OPCML: variants seen among roughly 807,000 people sequenced by gnomAD.
OPCML encodes opioid binding protein/cell adhesion molecule like, also known as opioid-binding protein/cell adhesion molecule.
In OPCML, 13 loss-of-function variants were observed where a neutral mutation model predicts 37.8. That is an observed-to-expected ratio of 0.34 (90% CI 0.22 to 0.55). The LOEUF (loss-of-function observed/expected upper bound fraction) is 0.55. Ranked by LOEUF, OPCML falls within the 20% of genes least tolerant of loss-of-function variation. The pLI, the probability that OPCML is intolerant of heterozygous loss-of-function variation, is 0.91. For synonymous variants in OPCML, 176 were observed against 168.8 expected, an observed-to-expected ratio of 1.04 and a Z score of -0.33; for missense variants, 341 against 435.6, an observed-to-expected ratio of 0.78 and a Z score of 1.93.
At chr11:133,139,914 C>T (rs564859309) in intron 1 of OPCML, among the ~76,000 whole-genome samples, 23 of 152,194 alleles carry the variant, frequency 1.5e-4, no homozygotes, top group South Asian at 4.2e-4. Flanking sequence ...AGGCCAGGCG[C>T]GGTGGCTCAC....
intron 1 of OPCML, among the ~76,000 whole-genome samples, chr11:133,263,426 A>G: frequency 6.6e-6 from 1 of 152,152 alleles, no homozygotes; most frequent in Non-Finnish European, 1.5e-5. Flanking sequence ...ACTGCTGTAC[A>G]GGGGTATAAC....
chr11:133,326,300 G>T (rs1023278465), intron 1 of OPCML, among the ~76,000 whole-genome samples: 9 of 50,852 alleles, frequency 1.8e-4, no homozygotes, highest in African/African-American at 1.4e-3. Flanking sequence ...TGTGTGTGGG[G>T]GTGTGGGTAT....
intron 1 of OPCML, among the ~76,000 whole-genome samples, chr11:133,039,853 C>T (rs1013974784): frequency 3.3e-5 from 5 of 152,004 alleles, no homozygotes; most frequent in Non-Finnish European, 1.5e-5. Flanking sequence ...CTTACTGAAA[C>T]CCCATCTCTA....
chr11:133,172,515 G>A (rs1950301420), intron 1 of OPCML, among the ~76,000 whole-genome samples: 1 of 152,106 alleles, frequency 6.6e-6, no homozygotes, highest in African/African-American at 2.4e-5. Flanking sequence ...GGAGAATCAG[G>A]CGTGGTAGTG....
At chr11:133,088,091 CTTATA>C (rs915964912) in intron 1 of OPCML, among the ~76,000 whole-genome samples, 2 of 152,120 alleles carry the variant, frequency 1.3e-5, no homozygotes, top group African/African-American at 4.8e-5. Context: ...TGTGAAAAGT[CTTATA>C]TTAATGTTGA....
At position 132,639,443 on chromosome 11, in the gene OPCML, A is replaced by G. The variant is rs567151896; in HGVS notation, c.379+17644T>C. Reference sequence around the variant, plus strand: ...ATGGTTGTAGATTTAAGCTAGCCCCAACCCCTGGGTCCATCACTCATTCCC... The same window carrying G: ...ATGGTTGTAGATTTAAGCTAGCCCCGACCCCTGGGTCCATCACTCATTCCC... On this transcript the variant is annotated intron_variant, in intron 3 of 7. Transcript: ENST00000524381. Among the ~76,000 whole-genome samples the G allele has an allele frequency of 5.1e-4, 77 of 152,292 alleles. No individual in the cohort carries two copies. In the South Asian group the frequency reaches 0.016, roughly 32 times the overall value.
In OPCML at chr11:133,434,798, G is replaced by A. The variant is rs577370242; in HGVS notation, c.61+97466C>T. Reference sequence around the variant, plus strand: ...GCCAGAAAAAAAAAATTATATATATGTATATATATATATATATATATATAT... The same window carrying A: ...GCCAGAAAAAAAAAATTATATATATATATATATATATATATATATATATAT... On this transcript the variant is annotated intron_variant, in intron 1 of 7. Transcript: ENST00000524381. Among the ~76,000 whole-genome samples the A allele has an allele frequency of 2.5e-3, 323 of 128,842 alleles. 1 individual carries two copies. Among genetic ancestry groups the A allele is most frequent in the East Asian group, 0.018 (80 of 4,362 alleles). 84.5% of individuals were successfully genotyped at this position (128,842 alleles called of 152,430 possible). A position where few individuals can be genotyped will look rare whatever the true frequency, so the allele number is the denominator to read the frequency against.
At chr11:133,315,305 G>A (rs1215950898) in intron 1 of OPCML, among the ~76,000 whole-genome samples, 1 of 152,098 alleles carries the variant, frequency 6.6e-6, no homozygotes, top group Non-Finnish European at 1.5e-5. Flanking sequence ...ACATTAACTT[G>A]AGTGCCGCAA....
At chr11:133,089,871 G>A (rs938466886) in intron 1 of OPCML, among the ~76,000 whole-genome samples, 2 of 152,148 alleles carry the variant, frequency 1.3e-5, no homozygotes, top group Non-Finnish European at 2.9e-5. Context: ...ATAAACAGAT[G>A]CTTATTGAGC....
At position 133,211,438 on chromosome 11, in the gene OPCML, C is replaced by T. The variant is rs1321884951; in HGVS notation, c.62-268428G>A. Among the ~76,000 whole-genome samples, 3 of 152,172 alleles carry T rather than the reference C, an allele frequency of 2.0e-5. No homozygotes were observed. The highest frequency in any genetic ancestry group is 7.2e-5 in the African/African-American group (3 of 41,438). ...CTTGCACCTGTCAGGGATGGGTTTC[C>T]TGCACTACAATAAGACATTGTCAAT... On this transcript the variant is annotated intron_variant, in intron 1 of 7. Transcript: ENST00000524381. This position sits in a 1 kb window ranked among gnomAD's most constrained non-coding sequence, Gnocchi z 4.1.
chr11:133,419,258 T>C (rs1354014341), intron 1 of OPCML: 1 of 985,172 alleles, frequency 1.0e-6, no homozygotes. Flanking sequence ...AGTATATGAG[T>C]TTGGTTTTGA....
At chr11:133,267,914 G>C (rs1390454494) in intron 1 of OPCML, among the ~76,000 whole-genome samples, 1 of 152,194 alleles carries the variant, frequency 6.6e-6, no homozygotes, top group Non-Finnish European at 1.5e-5. Context: ...ATGTGGAACT[G>C]TGAGTCAATT....
intron 3 of OPCML, among the ~76,000 whole-genome samples, chr11:132,605,079 C>T (rs1487291515): frequency 1.3e-5 from 2 of 152,154 alleles, no homozygotes; most frequent in Admixed American, 1.3e-4. Context: ...ATAGTGCAGT[C>T]ACACGCCAGC....
intron 1 of OPCML, among the ~76,000 whole-genome samples, chr11:133,270,276 G>A (rs1317206331): frequency 6.6e-6 from 1 of 152,108 alleles, no homozygotes; most frequent in Non-Finnish European, 1.5e-5. Flanking sequence ...AATTCCCAGT[G>A]TTTTCTTCAT....
chr11:132,994,502 C>G (rs1946846018), intron 1 of OPCML, among the ~76,000 whole-genome samples: 1 of 152,038 alleles, frequency 6.6e-6, no homozygotes, highest in Admixed American at 6.5e-5. Context: ...TTCCAGCGAC[C>G]AGGCACAAAT....
At chr11:133,008,295 G>A (rs746868680) in intron 1 of OPCML, 1 of 985,252 alleles carries the variant, frequency 1.0e-6, no homozygotes, top group Non-Finnish European at 1.2e-6. Context: ...CAATTGTGGT[G>A]CATAACTACT....
intron 2 of OPCML, among the ~76,000 whole-genome samples, chr11:132,865,790 T>C (rs1942519332): frequency 6.6e-6 from 1 of 152,216 alleles, no homozygotes; most frequent in African/African-American, 2.4e-5. Context: ...CCAATTTCAG[T>C]GGTTTTATTA....
At chr11:132,876,269 G>A (rs1384758233) in intron 2 of OPCML, among the ~76,000 whole-genome samples, 1 of 152,190 alleles carries the variant, frequency 6.6e-6, no homozygotes, top group African/African-American at 2.4e-5. Context: ...GCTCACAGAA[G>A]GAGGGGCAAT....
chr11:132,858,831 T>C (rs1942173931), intron 2 of OPCML, among the ~76,000 whole-genome samples: 1 of 152,226 alleles, frequency 6.6e-6, no homozygotes, highest in East Asian at 1.9e-4. Context: ...TGGGTCCTTG[T>C]GATTATTTCA....
Sources: gnomAD v4.1 joint callset for allele counts (sites outside exome capture counted in the v4.1 genomes callset) on GRCh38, gnomAD v4.1.1 for gene constraint, Gnocchi (gnomAD v3.1) non-coding constraint, MANE v1.5 for transcripts, NCBI Gene and HGNC (gene_info 2026-07-23, HGNC 2026-07-21) for gene names.